The following CPXM2 variants were observed in gnomAD, a reference collection of about 807,000 sequenced individuals.
CPXM2 encodes carboxypeptidase X, M14 family member 2, also known as inactive carboxypeptidase-like protein X2.
Under a neutral mutation model 86.1 loss-of-function variants are expected in CPXM2, and 66 were observed. The observed-to-expected ratio is 0.77, with a 90% CI of 0.63 to 0.94. The LOEUF (loss-of-function observed/expected upper bound fraction) is 0.94, where lower values mean the gene tolerates loss of function less well. Ranked by LOEUF, CPXM2 falls within the 40% of genes least tolerant of loss-of-function variation. The pLI, the probability that CPXM2 is intolerant of heterozygous loss-of-function variation, is 0.00. For missense variants in CPXM2, 948 were observed against 1,026.3 expected (o/e 0.92, Z 1.04); for synonymous variants, 388 against 400.2 (o/e 0.97, Z 0.36).
chr10:123,909,362 G>T lies in CPXM2; in HGVS notation n.175-29053C>A, dbSNP rs570803053. 1.5e-3 allele frequency among the ~76,000 whole-genome samples: 231 copies of T among 152,308 alleles called. 2 individuals are homozygous for T. Among genetic ancestry groups the T allele is most frequent in the African/African-American group, 5.3e-3 (222 of 41,562 alleles). ...AAATCCCGATTGCAGTCCACACAAGGCTTAATTTTTTTTCTTTAAAGAACA... is the reference window on the plus strand; with the variant it reads ...AAATCCCGATTGCAGTCCACACAAGTCTTAATTTTTTTTCTTTAAAGAACA... On this transcript the variant is annotated intron_variant and non_coding_transcript_variant, in intron 2 of 19. Transcript: ENST00000368854.
intron 6 of CPXM2, among the ~76,000 whole-genome samples, chr10:123,796,171 G>C (rs548029056): frequency 1.3e-5 from 2 of 152,236 alleles, no homozygotes; most frequent in African/African-American, 4.8e-5. Flanking sequence ...CCACATCCAC[G>C]ATCAGGCCTT....
intron 2 of CPXM2, among the ~76,000 whole-genome samples, chr10:123,933,672 C>G (rs1191842951): frequency 1.3e-5 from 2 of 151,984 alleles, no homozygotes; most frequent in Non-Finnish European, 2.9e-5. Context: ...GAGCTGAGAT[C>G]ACGCCACTGC....
At chr10:123,763,547 TA>T (rs59727685) in intron 10 of CPXM2, among the ~76,000 whole-genome samples, 518 of 144,978 alleles carry the variant, frequency 3.6e-3, no homozygotes, top group African/African-American at 8.3e-3. Context: ...GCTTTTGATC[TA>T]AAAAAAAAAA....
upstream of CPXM2, among the ~76,000 whole-genome samples, chr10:123,941,397 G>T (rs1287835726): frequency 6.6e-6 from 1 of 152,054 alleles, no homozygotes; most frequent in Non-Finnish European, 1.5e-5. Context: ...CTGTTGTCAC[G>T]TGGCCTCCGC....
intron 1 of CPXM2, among the ~76,000 whole-genome samples, chr10:123,881,107 G>A (rs183457057): frequency 1.3e-5 from 2 of 151,534 alleles, no homozygotes; most frequent in African/African-American, 4.9e-5. Flanking sequence ...TGGCCCCTTG[G>A]CTCCTTTTCA....
At chr10:123,870,906 C>G (rs1944884120) in intron 2 of CPXM2, among the ~76,000 whole-genome samples, 1 of 152,234 alleles carries the variant, frequency 6.6e-6, no homozygotes, top group South Asian at 2.1e-4. Context: ...GACAACCAGT[C>G]TCAGAAGAGA....
chr10:123,857,152 T>C (rs1056918403), intron 3 of CPXM2, among the ~76,000 whole-genome samples: 1 of 152,282 alleles, frequency 6.6e-6, no homozygotes, highest in East Asian at 1.9e-4. Flanking sequence ...TGTCCCAATG[T>C]AGTGATAAAA....
At chr10:123,874,380 C>CCACA (rs145634125) in intron 2 of CPXM2, among the ~76,000 whole-genome samples, 3 of 150,752 alleles carry the variant, frequency 2.0e-5, no homozygotes, top group Admixed American at 6.6e-5. Flanking sequence ...CCCGCCCCAA[C>CCACA]CACACACACA....
Position 123,770,924 on chromosome 10 carries a change from T to A in CPXM2, c.1094A>T (p.His365Leu). ...AGAGGGGCCCTTCTCACCGACTTCA[T>A]GCTCCCCAGGGTGATCTGAGATCTC... ...AVEISDHPGE[H>L]EVGEPEFHYI... Residue 365 changes from histidine (H) to leucine (L), a missense_variant, in exon 8 of 14, where the codon CAT becomes CTT. By Grantham distance (99) the His-to-Leu change is moderately conservative. Transcript: ENST00000241305. The A allele has an allele frequency of 6.2e-7, 1 of 1,608,820 alleles. No individual in the cohort carries two copies. Among genetic ancestry groups the A allele is most frequent in the Non-Finnish European group, 8.5e-7 (1 of 1,178,296 alleles).
chr10:123,752,702 A>G, intron 13 of CPXM2: 1 of 808,134 alleles, frequency 1.2e-6, no homozygotes, highest in Non-Finnish European at 1.5e-6. Context: ...TAAAGGAAGG[A>G]GCACCAGATT....
intron 2 of CPXM2, among the ~76,000 whole-genome samples, chr10:123,868,223 GCTGC>G (rs1944829350): frequency 6.6e-6 from 1 of 152,124 alleles, no homozygotes. Flanking sequence ...AGCGCCCAAG[GCTGC>G]TCTTGGTCCC....
chr10:123,845,885 C>G (rs1285876764), intron 3 of CPXM2, among the ~76,000 whole-genome samples: 1 of 152,264 alleles, frequency 6.6e-6, no homozygotes, highest in African/African-American at 2.4e-5. Flanking sequence ...TCAGAATTCT[C>G]AATAGCAGCA....
intron 4 of CPXM2, among the ~76,000 whole-genome samples, chr10:123,815,614 C>A (rs901144349): frequency 1.3e-5 from 2 of 152,156 alleles, no homozygotes; most frequent in Admixed American, 6.5e-5. Flanking sequence ...AGGAGATAAA[C>A]CCTGCGCTGC....
chr10:123,886,770 T>C lies in CPXM2; in HGVS notation c.304+4586A>G, dbSNP rs185990982. On this transcript the variant is annotated intron_variant, in intron 1 of 13. Coordinates refer to ENST00000241305, the MANE Select transcript of CPXM2 (RefSeq NM_198148.3). ...TCTTCAAATCCCTCATTCAAATCAA[T>C]AGTTCAGCTTATTATTTGATTTGAT... Among the ~76,000 whole-genome samples, 8 of 152,316 alleles carry C rather than the reference T, an allele frequency of 5.3e-5. No homozygotes were observed. In the East Asian group the frequency reaches 1.3e-3, roughly 26 times the overall value.
At position 123,922,404 on chromosome 10, in the gene CPXM2, A is replaced by G. The variant is rs937374827; in HGVS notation, n.174+17073T>C. Among the ~76,000 whole-genome samples the G allele has an allele frequency of 3.3e-5, 5 of 152,314 alleles. No homozygotes were observed. The South Asian group carries it at 1.0e-3, about 32-fold the overall frequency. On this transcript the variant is annotated intron_variant and non_coding_transcript_variant, in intron 2 of 19. Coordinates refer to the CPXM2 transcript ENST00000368854. ...TTTTTTTAATTCAAAAAGGGTAAAA[A>G]TGTTTCTGGATGTAATGCAATTTTG...
chr10:123,845,539 A>C (rs532215585), intron 3 of CPXM2, among the ~76,000 whole-genome samples: 1 of 152,246 alleles, frequency 6.6e-6, no homozygotes, highest in Admixed American at 6.5e-5. Context: ...TTCTATTTTT[A>C]AAACAAAAAG....
chr10:123,898,395 A>T (rs1037262852), intron 2 of CPXM2, among the ~76,000 whole-genome samples: 21 of 152,200 alleles, frequency 1.4e-4, no homozygotes, highest in Admixed American at 6.5e-5. Flanking sequence ...TCAAGGCTGT[A>T]GTACTCTATA....
At chr10:123,798,909 C>T (rs1294091438) in intron 5 of CPXM2, among the ~76,000 whole-genome samples, 1 of 152,212 alleles carries the variant, frequency 6.6e-6, no homozygotes, top group Non-Finnish European at 1.5e-5. Flanking sequence ...TAAATAAAGG[C>T]TGAATTTTAC....
chr10:123,906,839 A>G (rs1945446822), intron 2 of CPXM2, among the ~76,000 whole-genome samples: 1 of 152,098 alleles, frequency 6.6e-6, no homozygotes, highest in South Asian at 2.1e-4. Context: ...GCAACCCCCA[A>G]ATTGTGCCGG....
Sources: allele counts gnomAD v4.1 joint callset (sites outside exome capture counted in the v4.1 genomes callset), GRCh38; gene constraint gnomAD v4.1.1; transcripts MANE v1.5; gene names NCBI Gene and HGNC (gene_info 2026-07-23, HGNC 2026-07-21).